Variants in MAP4K4 observed in about 807,000 individuals in gnomAD.
The protein encoded by MAP4K4 is HPK/GCK-like kinase HGK.
MAP4K4 carries 38 observed loss-of-function variants against 189.6 expected under a neutral mutation model. That is an observed-to-expected ratio of 0.20 (90% CI 0.15 to 0.26). The LOEUF is 0.26. Ranked by LOEUF, MAP4K4 falls within the 10% of genes least tolerant of loss-of-function variation. The pLI, the probability that MAP4K4 is intolerant of heterozygous loss-of-function variation, is 1.00. For missense variants in MAP4K4, 1,054 were observed against 1,726.9 expected (o/e 0.61, Z 6.91); for synonymous variants, 610 against 624.3 (o/e 0.98, Z 0.34).
intron 22 of MAP4K4, 100 bp from the exon 23 acceptor site, chr2:101,870,195 C>T: frequency 8.1e-7 from 1 of 1,228,778 alleles, no homozygotes; most frequent in Non-Finnish European, 1.1e-6. Context: ...ATATCGGTAG[C>T]CTCATCTCAT....
chr2:101,874,261 C>G lies in MAP4K4; in HGVS notation c.3241+9C>G, dbSNP rs201595028. 14 of 1,598,674 alleles carry G rather than the reference C, an allele frequency of 8.8e-6. No homozygotes were observed. The highest frequency in any genetic ancestry group is 1.2e-5 in the Non-Finnish European group (14 of 1,172,268). Reference sequence around the variant, plus strand: ...GTGTGCTGCCTTATGGGGTAGGTGTCTAGCCACTACTCCAACACTTTCATT... The same window carrying G: ...GTGTGCTGCCTTATGGGGTAGGTGTGTAGCCACTACTCCAACACTTTCATT... On this transcript the variant is annotated intron_variant, in intron 26 of 32. Coordinates refer to ENST00000324219, the Ensembl canonical transcript of MAP4K4.
intron 24 of MAP4K4, 136 bp downstream of exon 24, chr2:101,871,821 C>G: frequency 1.3e-6 from 1 of 750,654 alleles, no homozygotes; most frequent in South Asian, 1.9e-5. Context: ...CTACCCTTCT[C>G]CCCAACCCCA....
chr2:101,738,423 TAAA>T (rs1558658158), intron 2 of MAP4K4, among the ~76,000 whole-genome samples: 1 of 152,160 alleles, frequency 6.6e-6, no homozygotes, highest in Non-Finnish European at 1.5e-5. Context: ...TGCAGATTTT[TAAA>T]AAAAGCAGTA....
chr2:101,728,005 A>G (rs2056494605), intron 2 of MAP4K4, among the ~76,000 whole-genome samples: 2 of 152,324 alleles, frequency 1.3e-5, no homozygotes, highest in South Asian at 2.1e-4. Context: ...GAGCACACTA[A>G]GGGCTCCAGG....
intron 2 of MAP4K4, among the ~76,000 whole-genome samples, chr2:101,705,276 C>G (rs2041688512): frequency 6.6e-6 from 1 of 152,092 alleles, no homozygotes; most frequent in African/African-American, 2.4e-5. Flanking sequence ...GTAAATGAAG[C>G]CGATGATATA....
intron 12 of MAP4K4, among the ~76,000 whole-genome samples, chr2:101,849,986 C>T (rs2097230473): frequency 6.6e-6 from 1 of 152,144 alleles, no homozygotes; most frequent in Admixed American, 6.5e-5. Flanking sequence ...ATATTCAGGT[C>T]TTTCCTGTCT....
chr2:101,860,686 TCCAGCTACC>T, intron 15 of MAP4K4, 130 bp from the exon 16 acceptor site: 1 of 679,100 alleles, frequency 1.5e-6, no homozygotes, highest in Non-Finnish European at 2.4e-6. Flanking sequence ...CCTTCTTTTT[TCCAGCTACC>T]CCTCTCTTTT....
chr2:101,863,607 T>C (rs553692549), intron 16 of MAP4K4, among the ~76,000 whole-genome samples: 1 of 152,344 alleles, frequency 6.6e-6, no homozygotes, highest in South Asian at 2.1e-4. Context: ...AGAGTTTTCC[T>C]TGTAAATGTA....
intron 2 of MAP4K4, among the ~76,000 whole-genome samples, chr2:101,740,174 G>T (rs1213596715): frequency 4.0e-4 from 12 of 30,118 alleles, no homozygotes; most frequent in African/African-American, 3.9e-3. Context: ...TTTTTTTTGA[G>T]ACGGAGTCTC....
intron 13 of MAP4K4, 85 bp downstream of exon 13, chr2:101,856,223 C>CAT: frequency 7.8e-7 from 1 of 1,282,606 alleles, no homozygotes; most frequent in Non-Finnish European, 1.1e-6. Flanking sequence ...AGTATACACA[C>CAT]ATGTGATGCA....
intron 3 of MAP4K4, among the ~76,000 whole-genome samples, chr2:101,802,398 G>A (rs907731699): frequency 6.6e-6 from 1 of 152,132 alleles, no homozygotes; most frequent in Non-Finnish European, 1.5e-5. Context: ...GTAAAAGTAC[G>A]GGTTCTTACA....
At position 101,856,020 on chromosome 2, in the gene MAP4K4, A is replaced by C. The variant is rs1559204080; in HGVS notation, c.1277A>C (p.Glu426Ala). The change falls in exon 13 of 33, where the codon GAA becomes GCA. Residue 426 changes from glutamate to alanine, a missense_variant. Glu to Ala is a moderately radical substitution (Grantham distance 107, BLOSUM62 -1). Around this residue, in one of 4 missense-constraint regions of MAP4K4, gnomAD observed 646 missense variants for 796.2 expected, o/e 0.81. Coordinates refer to ENST00000324219, the Ensembl canonical transcript of MAP4K4. ...GAAGCTAGAAGGCAGCAGGAACGTG[A>C]ACAGCGAAGGAGAGAACAAGAAGAA... The C allele has an allele frequency of 1.9e-6, 3 of 1,551,820 alleles. No individual in the cohort carries two copies. In the East Asian group the frequency reaches 7.3e-5, roughly 38 times the overall value.
At chr2:101,891,871 G>A (rs1007835687) in exon 33 of MAP4K4, 1 of 151,580 alleles carries the variant, frequency 6.6e-6, no homozygotes, top group Non-Finnish European at 1.5e-5. Flanking sequence ...TGGGAGATGG[G>A]GTGGGGTGGG....
Position 101,835,864 on chromosome 2 carries a change from A to G in MAP4K4, c.695-36A>G, listed in dbSNP as rs1478554640. The G allele has an allele frequency of 4.4e-6, 6 of 1,354,264 alleles. No individual in the cohort carries two copies. In the Admixed American group the frequency reaches 5.1e-5, roughly 11 times the overall value. 83.9% of individuals were successfully genotyped at this position (1,354,264 alleles called of 1,614,324 possible). On this transcript the variant is annotated intron_variant, in intron 8 of 32. Transcript: ENST00000324219. The stretch of plus-strand genomic sequence containing the variant: ...CCTAGAAATCAAGAATGAGTGAAAT[A>G]AGTGCCATACTGACACGACCGTCTC...
chr2:101,804,923 A>C (rs1367108468), intron 3 of MAP4K4, among the ~76,000 whole-genome samples: 1 of 151,842 alleles, frequency 6.6e-6, no homozygotes, highest in Non-Finnish European at 1.5e-5. Flanking sequence ...AAGATACAAA[A>C]ATTGGCCGAG....
Position 101,873,773 on chromosome 2 carries a change from A to C in MAP4K4, c.3070+9A>C, listed in dbSNP as rs746305917. 61 of 1,553,858 alleles carry C rather than the reference A, an allele frequency of 3.9e-5. No homozygotes were observed. The highest frequency in any genetic ancestry group is 5.1e-5 in the Non-Finnish European group (58 of 1,127,806). ...AACAGTGACATCTGTGGGTAAGTAC[A>C]GTAGCAACAAGAAAGCAGCTGACAA... On this transcript the variant is annotated intron_variant, in intron 25 of 32. Coordinates refer to ENST00000324219, the Ensembl canonical transcript of MAP4K4.
intron 3 of MAP4K4, among the ~76,000 whole-genome samples, chr2:101,812,281 A>T (rs1418714625): frequency 1.3e-5 from 2 of 152,162 alleles, no homozygotes; most frequent in Non-Finnish European, 2.9e-5. Context: ...TTTGCTTCAT[A>T]GCCATTCAGA....
At chr2:101,838,993 A>G (rs992517869) in intron 9 of MAP4K4, among the ~76,000 whole-genome samples, 21 of 152,222 alleles carry the variant, frequency 1.4e-4, no homozygotes, top group African/African-American at 2.4e-5. Context: ...TGGGACAGAA[A>G]CAAAAAGCAT....
intron 3 of MAP4K4, among the ~76,000 whole-genome samples, chr2:101,796,409 C>T (rs1257437396): frequency 1.3e-5 from 2 of 152,140 alleles, no homozygotes; most frequent in Non-Finnish European, 2.9e-5. Flanking sequence ...AGAGCCCACT[C>T]CCTTCTGTCT....
Sources: gnomAD v4.1 joint callset for allele counts (sites outside exome capture counted in the v4.1 genomes callset) on GRCh38, gnomAD v4.1.1 for gene constraint, gnomAD v4.1.1 regional missense constraint, MANE v1.5 for transcripts, NCBI Gene and HGNC (gene_info 2026-07-23, HGNC 2026-07-21) for gene names.